PLXDC2: variants seen among roughly 807,000 people sequenced by gnomAD.
PLXDC2 encodes plexin domain-containing protein 2.
In PLXDC2, 40 loss-of-function variants were observed where a neutral mutation model predicts 68.9. That is an observed-to-expected ratio of 0.58 (90% confidence interval 0.45 to 0.76). The LOEUF (loss-of-function observed/expected upper bound fraction) is 0.76. Among genes scored for constraint, PLXDC2 ranks in the 30% least tolerant of loss-of-function variants. The pLI is 0.00. For missense variants in PLXDC2, 644 were observed against 661.9 expected (o/e 0.97, Z 0.30); for synonymous variants, 243 against 234.2 (o/e 1.04, Z -0.34).
At chr10:19,873,599 T>C (rs1377560212) in intron 1 of PLXDC2, among the ~76,000 whole-genome samples, 1 of 152,124 alleles carries the variant, frequency 6.6e-6, no homozygotes, top group Non-Finnish European at 1.5e-5. Flanking sequence ...TTACCATTTC[T>C]TTAATCCAGT....
At chr10:20,192,543 C>T (rs1368567519) in intron 9 of PLXDC2, among the ~76,000 whole-genome samples, 1 of 151,884 alleles carries the variant, frequency 6.6e-6, no homozygotes, top group Non-Finnish European at 1.5e-5. Flanking sequence ...ATTAAAATGG[C>T]ATGTAGCAAA....
At chr10:20,158,884 G>T (rs1171805054) in intron 6 of PLXDC2, among the ~76,000 whole-genome samples, 1 of 152,054 alleles carries the variant, frequency 6.6e-6, no homozygotes, top group Non-Finnish European at 1.5e-5. Context: ...AATCTTTGAT[G>T]ACATTAGACA....
At chr10:20,069,823 C>G (rs955719803) in intron 4 of PLXDC2, among the ~76,000 whole-genome samples, 1 of 151,940 alleles carries the variant, frequency 6.6e-6, no homozygotes, top group African/African-American at 2.4e-5. Context: ...AGAGCAAGAC[C>G]CTGTCTCTAA....
At chr10:19,970,814 G>T (rs1335097061) in intron 1 of PLXDC2, among the ~76,000 whole-genome samples, 1 of 152,280 alleles carries the variant, frequency 6.6e-6, no homozygotes, top group East Asian at 1.9e-4. Context: ...AACTAGGGCA[G>T]TGAAAAAGCA....
chr10:20,172,189 C>T (rs1176617932), intron 7 of PLXDC2, among the ~76,000 whole-genome samples: 3 of 147,836 alleles, frequency 2.0e-5, no homozygotes, highest in African/African-American at 7.6e-5. Context: ...CCCAACACAC[C>T]CAATTCAATT....
intron 1 of PLXDC2, among the ~76,000 whole-genome samples, chr10:19,951,264 A>C (rs1417038176): frequency 6.6e-6 from 1 of 152,190 alleles, no homozygotes; most frequent in Non-Finnish European, 1.5e-5. Flanking sequence ...CTAATATCCA[A>C]AAATCTATAA....
intron 2 of PLXDC2, among the ~76,000 whole-genome samples, chr10:20,041,303 AC>A (rs1400451834): frequency 6.6e-6 from 1 of 151,860 alleles, no homozygotes; most frequent in African/African-American, 2.4e-5. Context: ...ACTTGACTGA[AC>A]AAAAAAATTC....
chr10:20,229,341 A>T (rs2131876338), intron 12 of PLXDC2, among the ~76,000 whole-genome samples: 1 of 152,204 alleles, frequency 6.6e-6, no homozygotes, highest in African/African-American at 2.4e-5. Flanking sequence ...AAAACATGAA[A>T]CAGGAATGGG....
chr10:20,024,911 T>C (rs1835371079), intron 2 of PLXDC2, among the ~76,000 whole-genome samples: 1 of 152,210 alleles, frequency 6.6e-6, no homozygotes, highest in Admixed American at 6.5e-5. Context: ...TTCTTTTTCA[T>C]GGTTTTATAG....
chr10:20,131,365 A>G (rs1015601927), intron 4 of PLXDC2, among the ~76,000 whole-genome samples: 8 of 151,916 alleles, frequency 5.3e-5, no homozygotes, highest in African/African-American at 1.9e-4. Flanking sequence ...TTTTATATTT[A>G]TATGGTATCA....
intron 2 of PLXDC2, among the ~76,000 whole-genome samples, chr10:20,005,773 C>T (rs1040264541): frequency 2.0e-5 from 3 of 152,190 alleles, no homozygotes; most frequent in African/African-American, 7.2e-5. Context: ...GGATCTGCCC[C>T]TGTGATTCAG....
intron 13 of PLXDC2, among the ~76,000 whole-genome samples, chr10:20,250,857 G>T (rs1835666672): frequency 1.3e-5 from 2 of 152,132 alleles, no homozygotes; most frequent in South Asian, 4.1e-4. Flanking sequence ...TCTATTTTTA[G>T]TGATGATAAT....
chr10:20,018,855 T>C (rs1388625028), intron 2 of PLXDC2, among the ~76,000 whole-genome samples: 1 of 152,132 alleles, frequency 6.6e-6, no homozygotes, highest in Non-Finnish European at 1.5e-5. Flanking sequence ...AATAAACAAA[T>C]GAGGTTAAGT....
intron 1 of PLXDC2, among the ~76,000 whole-genome samples, chr10:19,947,974 T>C (rs1833930718): frequency 6.6e-6 from 1 of 152,152 alleles, no homozygotes; most frequent in Admixed American, 6.5e-5. Context: ...CAATAAGATA[T>C]TTTATGTTTG....
chr10:20,150,839 T>A (rs1023047001), intron 6 of PLXDC2, among the ~76,000 whole-genome samples: 3 of 152,176 alleles, frequency 2.0e-5, no homozygotes, highest in Non-Finnish European at 4.4e-5. Context: ...CTGTTCTTGG[T>A]TGGTATTTTT....
At chr10:20,071,519 G>A (rs1176839117) in intron 4 of PLXDC2, among the ~76,000 whole-genome samples, 1 of 152,068 alleles carries the variant, frequency 6.6e-6, no homozygotes, top group Non-Finnish European at 1.5e-5. Flanking sequence ...TTTTATAAAG[G>A]GGAGTTCCCC....
intron 12 of PLXDC2, among the ~76,000 whole-genome samples, chr10:20,238,613 C>T (rs1213996306): frequency 2.4e-5 from 3 of 124,314 alleles, no homozygotes; most frequent in Non-Finnish European, 3.5e-5. Context: ...CACCACTGCA[C>T]TCTAGCTTGG....
At position 20,287,727 on chromosome 10, in the gene PLXDC2, C is replaced by CA. The variant is rs1332420854; in HGVS notation, c.*7908_*7909insA. On this transcript the variant is annotated 3_prime_UTR_variant, in exon 14 of 14. Transcript: ENST00000377252. ...GCGTAACCCAGTCTTGGGGCCCTCA[C>CA]GGAGAAGAGGGGGAAGTCTTTTCAT... is the stretch of plus-strand genomic sequence containing the variant. The CA allele has an allele frequency of 2.0e-5, 3 of 152,020 alleles. No individual in the cohort carries two copies. The highest frequency in any genetic ancestry group is 7.2e-5 in the African/African-American group (3 of 41,388). 9.4% of individuals were successfully genotyped at this position (152,020 alleles called of 1,614,324 possible). A position where few individuals can be genotyped will look rare whatever the true frequency, so the allele number is the denominator to read the frequency against.
intron 1 of PLXDC2, among the ~76,000 whole-genome samples, chr10:19,938,057 G>A (rs1185228837): frequency 6.6e-6 from 1 of 152,078 alleles, no homozygotes; most frequent in Non-Finnish European, 1.5e-5. Context: ...TATTTGCTTG[G>A]TGGCATCGCT....
Sources: gnomAD v4.1 joint callset for allele counts (sites outside exome capture counted in the v4.1 genomes callset) on GRCh38, gnomAD v4.1.1 for gene constraint, MANE v1.5 for transcripts, NCBI Gene and HGNC (gene_info 2026-07-23, HGNC 2026-07-21) for gene names.